Variants in HMCN1 observed in about 807,000 individuals in gnomAD.
HMCN1 encodes hemicentin 1.
Under a neutral mutation model 625.9 loss-of-function variants are expected in HMCN1, and 321 were observed. The ratio of observed to expected loss-of-function variants is 0.51; its 90% CI spans 0.47 to 0.56. The LOEUF is 0.56. Ranked by LOEUF, HMCN1 falls within the 20% of genes least tolerant of loss-of-function variation. HMCN1 has a pLI of 0.00. For synonymous variants in HMCN1, 2,425 were observed against 2,417.6 expected, an observed-to-expected ratio of 1.00 and a Z score of -0.09; for missense variants, 6,588 against 6,887.3, an observed-to-expected ratio of 0.96 and a Z score of 1.54.
intron 75 of HMCN1, among the ~76,000 whole-genome samples, chr1:186,115,804 A>G (rs1256771699): frequency 1.3e-5 from 2 of 152,178 alleles, no homozygotes; most frequent in Non-Finnish European, 2.9e-5. Flanking sequence ...ACCTTAAAAT[A>G]CAATTTAGAT....
intron 104 of HMCN1, among the ~76,000 whole-genome samples, chr1:186,180,522 A>G (rs1263214929): frequency 6.6e-6 from 1 of 152,210 alleles, no homozygotes; most frequent in African/African-American, 2.4e-5. Context: ...AGTTATTTTA[A>G]GAAAGCTTCC....
chr1:185,909,460 G>T lies in HMCN1; in HGVS notation c.745G>T (p.Val249Leu). ...PFDPSLKEVTVSLSGPSPMIE... is the reference protein window; with the variant it reads ...PFDPSLKEVTLSLSGPSPMIE... ...TGATCCCAGCCTGAAAGAGGTCACT[G>T]TGTCTTTGAGTGGGCCTTCTCCAAT... The change falls in exon 5 of 107, where the codon GTG becomes TTG. Residue 249 changes from valine (V) to leucine (L), a missense_variant. By Grantham distance (32) the Val-to-Leu change is conservative (BLOSUM62 1). Transcript: ENST00000271588. 1 of 1,613,610 alleles carries T rather than the reference G, an allele frequency of 6.2e-7. No homozygotes were observed. Among genetic ancestry groups the T allele is most frequent in the Non-Finnish European group, 8.5e-7 (1 of 1,179,672 alleles).
At position 186,171,450 on chromosome 1, in the gene HMCN1, G is replaced by T; in HGVS notation, c.15688G>T (p.Asp5230Tyr). 6.3e-7 allele frequency: 1 copy of T among 1,599,560 alleles called. No homozygotes were observed. The highest frequency in any genetic ancestry group is 1.1e-5 in the South Asian group (1 of 90,774). ...TCAGCTCAAAGGCAGAAAATGCATG[G>T]GTAAGAAAAGGGCTTTGAATTTAAA... ...GYQLKGRKCM[D>Y]VNECRQNVCR... is the part of the protein sequence containing the mutation. Residue 5230 changes from aspartate (D) to tyrosine (Y), a missense_variant and splice_region_variant, in exon 101 of 107, where the codon GAT becomes TAT. By Grantham distance (160) the Asp-to-Tyr change is radical (BLOSUM62 -3). Around this residue, in one of 3 missense-constraint regions of HMCN1, gnomAD observed 1,954 missense variants for 2,013.1 expected, o/e 0.97. Transcript: ENST00000271588.
chr1:185,811,171 G>A (rs1424051632), intron 1 of HMCN1, among the ~76,000 whole-genome samples: 5 of 152,004 alleles, frequency 3.3e-5, no homozygotes, highest in South Asian at 2.1e-4. Flanking sequence ...TGAGAAAAAC[G>A]CTTGAAGAAA....
intron 76 of HMCN1, 70 bp downstream of exon 76, chr1:186,117,185 A>G (rs1332919237): frequency 6.3e-6 from 10 of 1,589,420 alleles, no homozygotes; most frequent in Non-Finnish European, 8.6e-6. Flanking sequence ...TACTTTACAA[A>G]AGGGATCCCT....
At chr1:186,181,998 A>G (rs1652962717) in intron 104 of HMCN1, among the ~76,000 whole-genome samples, 170 bp from the exon 105 acceptor site, 1 of 152,218 alleles carries the variant, frequency 6.6e-6, no homozygotes, top group Non-Finnish European at 1.5e-5. Flanking sequence ...GTATTTTTAT[A>G]ACATAAAAGT....
chr1:186,117,361 C>T, intron 76 of HMCN1, 98 bp from the exon 77 acceptor site: 1 of 1,418,856 alleles, frequency 7.0e-7, no homozygotes, highest in Non-Finnish European at 9.8e-7. Context: ...CTAACTTTCA[C>T]TTTCAGAGCA....
chr1:186,073,338 T>A (rs575749717), intron 52 of HMCN1, among the ~76,000 whole-genome samples: 2 of 152,312 alleles, frequency 1.3e-5, no homozygotes, highest in South Asian at 4.1e-4. Flanking sequence ...GAAAGTCTGA[T>A]TGGAACATAT....
At position 186,103,604 on chromosome 1, in the gene HMCN1, T is replaced by G. The variant is rs1660482487; in HGVS notation, c.10706T>G (p.Leu3569Arg). ...ACCTGGATGAAAGATGGCCGGCCCCTTCCACAGACGGATCAAGTGCAAACT... is the reference window on the plus strand; with the variant it reads ...ACCTGGATGAAAGATGGCCGGCCCCGTCCACAGACGGATCAAGTGCAAACT... ...KMTWMKDGRP[L>R]PQTDQVQTLG... Residue 3569 changes from leucine to arginine, a missense_variant, in exon 69 of 107, where the codon CTT becomes CGT. Physicochemically the swap from Leu to Arg is moderately radical, Grantham distance 102. Transcript: ENST00000271588. 6.2e-7 allele frequency: 1 copy of G among 1,613,744 alleles called. No individual in the cohort carries two copies. Among genetic ancestry groups the G allele is most frequent in the Admixed American group, 1.7e-5 (1 of 59,978 alleles).
chr1:185,734,828 T>C lies in HMCN1; in HGVS notation c.49T>C (p.Tyr17His). 1.9e-6 allele frequency: 3 copies of C among 1,614,068 alleles called. No homozygotes were observed. The highest frequency in any genetic ancestry group is 2.5e-6 in the Non-Finnish European group (3 of 1,179,958). ...TACAGTATTCCTGTTTGCTCTTCTT[T>C]ATTCTTCCCTAGCTCAAGATGCGAG... The part of the protein sequence containing the change: ...VHTVFLFALL[Y>H]SSLAQDASPQ... Residue 17 changes from tyrosine (Y) to histidine (H), a missense_variant, in exon 1 of 107, where the codon TAT (tyrosine) becomes CAT (histidine). By Grantham distance (83) the Tyr-to-His change is moderately conservative. This residue lies in a region of HMCN1 where 4,628 missense variants were observed against 4,853.1 expected (regional missense o/e 0.95). Transcript: ENST00000271588.
intron 35 of HMCN1, among the ~76,000 whole-genome samples, 170 bp from the exon 36 acceptor site, chr1:186,022,860 C>G (rs1438903342): frequency 6.6e-6 from 1 of 151,908 alleles, no homozygotes; most frequent in Non-Finnish European, 1.5e-5. Flanking sequence ...AGTCTATTGT[C>G]TTGTGCATGA....
chr1:186,125,556 AT>A, intron 81 of HMCN1, 47 bp from the exon 82 acceptor site: 1 of 1,397,346 alleles, frequency 7.2e-7, no homozygotes, highest in South Asian at 1.2e-5. Flanking sequence ...GAATAAAGAC[AT>A]TATTGAACTC....
At chr1:186,109,410 T>A (rs1046484539) in intron 71 of HMCN1, among the ~76,000 whole-genome samples, 3 of 152,176 alleles carry the variant, frequency 2.0e-5, no homozygotes, top group African/African-American at 4.8e-5. Flanking sequence ...CTCCAGTACT[T>A]CAGTTTCTCT....
chr1:185,950,446 A>G (rs1006668759), intron 11 of HMCN1, among the ~76,000 whole-genome samples: 1 of 149,688 alleles, frequency 6.7e-6, no homozygotes, highest in African/African-American at 2.5e-5. Context: ...GGCTACAGGG[A>G]GTGGTCCTGG....
chr1:186,134,233 A>G (rs1051729683), intron 86 of HMCN1, among the ~76,000 whole-genome samples: 2 of 152,194 alleles, frequency 1.3e-5, no homozygotes, highest in Non-Finnish European at 2.9e-5. Flanking sequence ...AAGTATGTAC[A>G]TATGGAATTT....
At chr1:186,027,645 G>A (rs1347276358) in intron 36 of HMCN1, among the ~76,000 whole-genome samples, 1 of 152,160 alleles carries the variant, frequency 6.6e-6, no homozygotes, top group Non-Finnish European at 1.5e-5. Context: ...CCTGGTGCCT[G>A]GCTCCTAGTC....
At chr1:186,162,041 C>T (rs1204000079) in intron 97 of HMCN1, among the ~76,000 whole-genome samples, 1 of 152,236 alleles carries the variant, frequency 6.6e-6, no homozygotes, top group Non-Finnish European at 1.5e-5. Context: ...TTCTCCCCAT[C>T]ACTTTCAGGT....
chr1:185,752,846 C>A (rs1376367008), intron 1 of HMCN1, among the ~76,000 whole-genome samples: 1 of 152,084 alleles, frequency 6.6e-6, no homozygotes, highest in Non-Finnish European at 1.5e-5. Context: ...GCTAGCATAA[C>A]CCTGGTACCA....
Position 185,734,524 on chromosome 1 carries a change from G to A in HMCN1, c.-256G>A, listed in dbSNP as rs1050104443. 23 of 491,732 alleles carry A rather than the reference G, an allele frequency of 4.7e-5. No homozygotes were observed. The East Asian group carries it at 8.1e-4, about 17-fold the overall frequency. 30.5% of individuals were successfully genotyped at this position (491,732 alleles called of 1,614,324 possible). A position where few individuals can be genotyped will look rare whatever the true frequency, so the allele number is the denominator to read the frequency against. On this transcript the variant is annotated 5_prime_UTR_variant, in exon 1 of 107. Transcript: ENST00000271588. ...CGCACTCCGCCACAGGCTGTCCAGG[G>A]CCCGCGGGCAGATAGCAGTCCAGGA...
Sources: gnomAD v4.1 joint callset for allele counts (sites outside exome capture counted in the v4.1 genomes callset) on GRCh38, gnomAD v4.1.1 for gene constraint, gnomAD v4.1.1 regional missense constraint, MANE v1.5 for transcripts, NCBI Gene and HGNC (gene_info 2026-07-23, HGNC 2026-07-21) for gene names.